Variants in KDM4A observed in about 807,000 individuals in gnomAD.
KDM4A encodes the protein lysine-specific demethylase 4A.
Under a neutral mutation model 127.1 loss-of-function variants are expected in KDM4A, and 23 were observed. That is an observed-to-expected ratio of 0.18 (90% CI 0.13 to 0.26). KDM4A has a LOEUF of 0.26. Ranked by LOEUF, KDM4A falls within the 10% of genes least tolerant of loss-of-function variation. The probability of loss-of-function intolerance (pLI) is 1.00; values close to 1 mark genes in which losing one functional copy is unlikely to be tolerated. For missense variants in KDM4A, 890 were observed against 1,329.1 expected (o/e 0.67, Z 5.14); for synonymous variants, 443 against 466.5 (o/e 0.95, Z 0.65).
At chr1:43,690,767 T>C (rs1397300041) in intron 13 of KDM4A, 78 bp from the exon 14 acceptor site, 4 of 1,344,164 alleles carry the variant, frequency 3.0e-6, no homozygotes, top group Non-Finnish European at 4.3e-6. Context: ...AGAGCCAGCT[T>C]TCTGCTGATA....
chr1:43,703,656 G>C lies in KDM4A; in HGVS notation c.2881G>C (p.Glu961Gln). The change falls in exon 20 of 22, where the codon GAA becomes CAA. Residue 961 changes from glutamate (E) to glutamine (Q), a missense_variant. Physicochemically the swap from Glu to Gln is conservative, Grantham distance 29 (BLOSUM62 2). This residue lies in a region of KDM4A where 246 missense variants were observed against 418.4 expected (regional missense o/e 0.59). Transcript: ENST00000372396. The part of the protein sequence containing the change: ...CLQFGPPAEG[E>Q]VVQVRWTDGQ... The stretch of plus-strand genomic sequence containing the variant: ...CCAGTTTGGTCCTCCTGCTGAAGGG[G>C]AAGTGGTCCAAGTGAGATGGACAGA... The C allele has an allele frequency of 1.2e-6, 2 of 1,614,102 alleles. No homozygotes were observed. The highest frequency in any genetic ancestry group is 1.7e-6 in the Non-Finnish European group (2 of 1,180,004).
chr1:43,655,827 A>G, intron 3 of KDM4A, 61 bp downstream of exon 3: 1 of 1,406,080 alleles, frequency 7.1e-7, no homozygotes, highest in Non-Finnish European at 9.8e-7. Flanking sequence ...TCATCCTCCT[A>G]GCATCTCCAG....
intron 11 of KDM4A, among the ~76,000 whole-genome samples, chr1:43,682,526 C>T (rs769459758): frequency 6.6e-6 from 1 of 152,230 alleles, no homozygotes; most frequent in Non-Finnish European, 1.5e-5. Context: ...CATCCTTACT[C>T]ACGTAAGCAC....
chr1:43,679,267 A>G (rs1660805785), intron 11 of KDM4A, among the ~76,000 whole-genome samples: 1 of 152,124 alleles, frequency 6.6e-6, no homozygotes, highest in African/African-American at 2.4e-5. Context: ...TCATTTCTTG[A>G]GTTACCAGCA....
At chr1:43,701,110 A>G (rs985052138) in intron 19 of KDM4A, among the ~76,000 whole-genome samples, 1 of 151,562 alleles carries the variant, frequency 6.6e-6, no homozygotes, top group Non-Finnish European at 1.5e-5. Context: ...TTTAGTAGAG[A>G]GGGTTTCCCC....
chr1:43,671,773 G>A lies in KDM4A; in HGVS notation c.1632G>A (p.Val544=). The A allele has an allele frequency of 1.9e-6, 3 of 1,613,594 alleles. No individual in the cohort carries two copies. The highest frequency in any genetic ancestry group is 1.1e-5 in the South Asian group (1 of 90,994). Residue 544 remains valine, a synonymous_variant, in exon 11 of 22, where the codon GTG becomes GTA. Coordinates refer to ENST00000372396, the MANE Select transcript of KDM4A (RefSeq NM_014663.3). ...AAGGGCAAACGGGAGTTCTCACTGT[G>A]CACAGTTATGCCAAAGGGGATGGCA... The part of the protein sequence containing the change: ...RAQGQTGVLT[V]HSYAKGDGRV...
chr1:43,673,286 A>G (rs899390761), intron 11 of KDM4A, among the ~76,000 whole-genome samples: 6 of 152,186 alleles, frequency 3.9e-5, no homozygotes, highest in Middle Eastern at 3.4e-3. Context: ...TTTATTCCCT[A>G]TTCCCTTACC....
intron 3 of KDM4A, 41 bp from the exon 4 acceptor site, chr1:43,660,257 C>T (rs373727605): frequency 6.9e-6 from 11 of 1,600,578 alleles, no homozygotes; most frequent in Middle Eastern, 1.7e-4. Context: ...CCTAATAAAC[C>T]CCTGTAAGTG....
In KDM4A at chr1:43,676,924, TAG is replaced by T. The variant is rs1211729097; in HGVS notation, c.1734+5050_1734+5051del. ...GTCACCCTACTGATTTGTCAAACAC[TAG>T]GTCTTATTTCTTCTATCAGACTATA... is the stretch of plus-strand genomic sequence containing the variant. On this transcript the variant is annotated intron_variant, in intron 11 of 21. Coordinates refer to ENST00000372396, the MANE Select transcript of KDM4A (RefSeq NM_014663.3). 2.0e-5 allele frequency among the ~76,000 whole-genome samples: 3 copies of T among 152,204 alleles called. No homozygotes were observed. In the East Asian group the frequency reaches 5.8e-4, roughly 29 times the overall value.
At chr1:43,685,774 CAACAACA>C (rs1383583730) in intron 12 of KDM4A, among the ~76,000 whole-genome samples, 29 of 151,958 alleles carry the variant, frequency 1.9e-4, no homozygotes, top group Admixed American at 1.3e-4. Flanking sequence ...TCAACAACAA[CAACAACA>C]AAAAAGATCA....
intron 16 of KDM4A, 114 bp downstream of exon 16, chr1:43,692,425 A>T (rs555277952): frequency 2.2e-6 from 2 of 899,474 alleles, no homozygotes; most frequent in Admixed American, 4.1e-5. Context: ...TGGGAAGCAC[A>T]TCGTGTGGAG....
intron 11 of KDM4A, among the ~76,000 whole-genome samples, chr1:43,678,673 G>A (rs1462923396): frequency 1.3e-5 from 2 of 149,532 alleles, no homozygotes; most frequent in South Asian, 2.1e-4. Context: ...CCACAGCCTC[G>A]ACCTCCCAGG....
At chr1:43,673,437 C>T (rs1263957572) in intron 11 of KDM4A, among the ~76,000 whole-genome samples, 1 of 152,098 alleles carries the variant, frequency 6.6e-6, no homozygotes, top group East Asian at 1.9e-4. Flanking sequence ...TTTTCTTTGG[C>T]TGCAGTACTT....
intron 11 of KDM4A, among the ~76,000 whole-genome samples, chr1:43,673,433 T>C (rs534847845): frequency 6.6e-6 from 1 of 152,336 alleles, no homozygotes; most frequent in South Asian, 2.1e-4. Context: ...TCTGTTTTCT[T>C]TGGCTGCAGT....
At position 43,655,707 on chromosome 1, in the gene KDM4A, C is replaced by T; in HGVS notation, c.255C>T (p.Tyr85=). 3 of 1,613,928 alleles carry T rather than the reference C, an allele frequency of 1.9e-6. No individual in the cohort carries two copies. Among genetic ancestry groups the T allele is most frequent in the Non-Finnish European group, 2.5e-6 (3 of 1,179,916 alleles). The stretch of plus-strand genomic sequence containing the variant: ...GGCAGTCTGGCCTCTTTACTCAGTA[C>T]AACATACAGAAGAAAGCCATGACTG... ...VTGQSGLFTQ[Y]NIQKKAMTVR... is the part of the protein sequence containing the mutation. Residue 85 remains tyrosine, a synonymous_variant, in exon 3 of 22, where the codon TAC becomes TAT. Transcript: ENST00000372396.
At chr1:43,683,958 A>G (rs1402484936) in intron 12 of KDM4A, among the ~76,000 whole-genome samples, 154 bp downstream of exon 12, 1 of 152,182 alleles carries the variant, frequency 6.6e-6, no homozygotes, top group Non-Finnish European at 1.5e-5. Context: ...GGATTTCCTT[A>G]TATCTAATTG....
Position 43,693,057 on chromosome 1 carries a change from C to T in KDM4A, c.2375+746C>T, listed in dbSNP as rs186055063. ...CCTCAAGAGTCCCAGTTATGCTGTC[C>T]CTGAGAGATAGCTACTCTGCCTGCT... On this transcript the variant is annotated intron_variant, in intron 16 of 21. Coordinates refer to ENST00000372396, the MANE Select transcript of KDM4A (RefSeq NM_014663.3). This position sits in a 1 kb window ranked among gnomAD's most constrained non-coding sequence, Gnocchi z 4.2. Among the ~76,000 whole-genome samples the T allele has an allele frequency of 6.6e-6, 1 of 152,170 alleles. No homozygotes were observed. Among genetic ancestry groups the T allele is most frequent in the Non-Finnish European group, 1.5e-5 (1 of 68,028 alleles).
intron 4 of KDM4A, among the ~76,000 whole-genome samples, 169 bp from the exon 5 acceptor site, chr1:43,662,725 C>T (rs545034144): frequency 1.3e-5 from 2 of 152,128 alleles, no homozygotes; most frequent in African/African-American, 2.4e-5. Context: ...CAGTGGTAGC[C>T]GTGAAAGTCA....
chr1:43,652,210 G>A (rs1042405724), intron 1 of KDM4A, among the ~76,000 whole-genome samples: 2 of 152,008 alleles, frequency 1.3e-5, no homozygotes, highest in African/African-American at 4.8e-5. Context: ...AAGTTGTAGT[G>A]TATTCTGTTT....
Sources: gnomAD v4.1 joint callset for allele counts (sites outside exome capture counted in the v4.1 genomes callset) on GRCh38, gnomAD v4.1.1 for gene constraint, gnomAD v4.1.1 regional missense constraint, Gnocchi (gnomAD v3.1) non-coding constraint, MANE v1.5 for transcripts, NCBI Gene and HGNC (gene_info 2026-07-23, HGNC 2026-07-21) for gene names.